The following TGFB2 variants were observed in gnomAD, a reference collection of about 807,000 sequenced individuals.
TGFB2 encodes transforming growth factor beta-2 proprotein.
TGFB2 carries 13 observed loss-of-function variants against 42.7 expected under a neutral mutation model. The ratio of observed to expected loss-of-function variants is 0.30; its 90% CI spans 0.20 to 0.48. The LOEUF is 0.48. Ranked by LOEUF, TGFB2 falls within the 20% of genes least tolerant of loss-of-function variation. TGFB2 has a pLI of 0.99. For missense variants in TGFB2, 390 were observed against 517.5 expected (o/e 0.75, Z 2.39); for synonymous variants, 193 against 193.6 (o/e 1.00, Z 0.03).
intron 6 of TGFB2, among the ~76,000 whole-genome samples, chr1:218,439,014 C>T (rs181727909): frequency 6.7e-6 from 1 of 149,754 alleles, no homozygotes; most frequent in Admixed American, 6.8e-5. Flanking sequence ...GAGGTTGAGG[C>T]AGAGAATCGC....
chr1:218,373,865 A>G (rs562156003), intron 1 of TGFB2, among the ~76,000 whole-genome samples: 1 of 152,328 alleles, frequency 6.6e-6, no homozygotes, highest in Admixed American at 6.5e-5. Context: ...TTTCTCTTAA[A>G]TGCAGTATTT....
At chr1:218,440,770 C>T (rs1298442024) in intron 6 of TGFB2, among the ~76,000 whole-genome samples, 1 of 152,142 alleles carries the variant, frequency 6.6e-6, no homozygotes, top group African/African-American at 2.4e-5. Flanking sequence ...AGCTCTTAAT[C>T]TAGATGGGAT....
intron 2 of TGFB2, among the ~76,000 whole-genome samples, chr1:218,420,255 C>T (rs1417304811): frequency 6.6e-6 from 1 of 152,172 alleles, no homozygotes; most frequent in East Asian, 1.9e-4. Context: ...TGTAGGAATT[C>T]AGCTAAGAAA....
rs1007087694 is a variant in TGFB2 at position 218,443,369 on chromosome 1, C to T, written c.*2007C>T. On this transcript the variant is annotated 3_prime_UTR_variant, in exon 7 of 7. Transcript: ENST00000366930. ...TCACCTAAAGAGCAGCATAAGGAGG[C>T]GGGAATCCAAAGTGAAGTTGTTTGA... is the stretch of plus-strand genomic sequence containing the variant. 5.3e-5 allele frequency: 8 copies of T among 152,242 alleles called. No individual in the cohort carries two copies. Among genetic ancestry groups the T allele is most frequent in the South Asian group, 2.1e-4 (1 of 4,832 alleles). The allele number at this position is 152,242 out of a possible 1,614,324, so 9.4% of individuals were successfully genotyped here. A position where few individuals can be genotyped will look rare whatever the true frequency, so the allele number is the denominator to read the frequency against.
chr1:218,373,885 G>C (rs1447562638), intron 1 of TGFB2, among the ~76,000 whole-genome samples: 1 of 152,026 alleles, frequency 6.6e-6, no homozygotes, highest in Non-Finnish European at 1.5e-5. Context: ...TTTTTCCTAA[G>C]AACCTGTGAA....
chr1:218,371,285 A>G (rs1335182697), intron 1 of TGFB2, among the ~76,000 whole-genome samples: 1 of 152,202 alleles, frequency 6.6e-6, no homozygotes, highest in East Asian at 1.9e-4. Flanking sequence ...TGGGCGATAG[A>G]GGGGAGACCC....
intron 1 of TGFB2, among the ~76,000 whole-genome samples, chr1:218,358,478 A>G (rs1287243956): frequency 7.1e-6 from 1 of 140,248 alleles, no homozygotes; most frequent in Non-Finnish European, 1.6e-5. Flanking sequence ...ATTTTCACTT[A>G]TTTTCACTTT....
intron 2 of TGFB2, among the ~76,000 whole-genome samples, chr1:218,409,650 T>C (rs1403766969): frequency 6.8e-6 from 1 of 147,972 alleles, no homozygotes. Flanking sequence ...CCAAAATTGC[T>C]GAAATATTAT....
At chr1:218,406,903 C>A (rs1571876791) in intron 2 of TGFB2, among the ~76,000 whole-genome samples, 2 of 152,146 alleles carry the variant, frequency 1.3e-5, no homozygotes, top group Non-Finnish European at 2.9e-5. Context: ...ATGATTAAAA[C>A]ATGGGATTAC....
intron 1 of TGFB2, among the ~76,000 whole-genome samples, chr1:218,359,584 A>G (rs1163115543): frequency 6.6e-6 from 1 of 152,232 alleles, no homozygotes; most frequent in African/African-American, 2.4e-5. Context: ...TGTCACAAGT[A>G]CTCAGATTAT....
intron 2 of TGFB2, among the ~76,000 whole-genome samples, chr1:218,426,282 G>C (rs1439186082): frequency 1.3e-5 from 2 of 152,176 alleles, no homozygotes; most frequent in Non-Finnish European, 2.9e-5. Context: ...GTTGCCCTTA[G>C]TGTCTAACCC....
At chr1:218,422,476 G>A (rs1174597656) in intron 2 of TGFB2, among the ~76,000 whole-genome samples, 3 of 152,044 alleles carry the variant, frequency 2.0e-5, no homozygotes, top group Non-Finnish European at 2.9e-5. Flanking sequence ...CCATCTCAGC[G>A]TCCCATAGTG....
chr1:218,420,313 G>A (rs563919948), intron 2 of TGFB2, among the ~76,000 whole-genome samples: 1 of 152,128 alleles, frequency 6.6e-6, no homozygotes, highest in African/African-American at 2.4e-5. Flanking sequence ...CTACCATTAC[G>A]TATTGTACTG....
chr1:218,421,610 A>T (rs557437175), intron 2 of TGFB2, among the ~76,000 whole-genome samples: 1 of 152,280 alleles, frequency 6.6e-6, no homozygotes, highest in Non-Finnish European at 1.5e-5. Context: ...TAATTTATGA[A>T]TCACTACTGT....
intron 2 of TGFB2, among the ~76,000 whole-genome samples, chr1:218,428,972 CTTTTTT>C (rs34950123): frequency 1.0e-5 from 1 of 95,880 alleles, no homozygotes; most frequent in Non-Finnish European, 2.0e-5. Flanking sequence ...CCATGAGCAT[CTTTTTT>C]TTTTTTTTTT....
At chr1:218,392,396 A>C (rs1160541420) in intron 1 of TGFB2, among the ~76,000 whole-genome samples, 1 of 152,194 alleles carries the variant, frequency 6.6e-6, no homozygotes, top group Non-Finnish European at 1.5e-5. Flanking sequence ...GGCTTGATCT[A>C]AGTAGGATCG....
At chr1:218,382,494 C>T (rs993131695) in intron 1 of TGFB2, among the ~76,000 whole-genome samples, 2 of 152,280 alleles carry the variant, frequency 1.3e-5, no homozygotes, top group African/African-American at 4.8e-5. Context: ...TTCATCCAGG[C>T]GCTCGCTGAT....
chr1:218,390,299 A>C (rs1260158021), intron 1 of TGFB2, among the ~76,000 whole-genome samples: 2 of 152,146 alleles, frequency 1.3e-5, no homozygotes, highest in African/African-American at 4.8e-5. Context: ...TCCTAAAGAA[A>C]ACAGAGAGAG....
intron 2 of TGFB2, among the ~76,000 whole-genome samples, chr1:218,407,759 C>G (rs865852162): frequency 8.5e-5 from 13 of 152,240 alleles, no homozygotes; most frequent in Admixed American, 5.9e-4. Context: ...AAATCCACCT[C>G]GGACTCCCAA....
Sources: gnomAD v4.1 joint callset for allele counts (sites outside exome capture counted in the v4.1 genomes callset) on GRCh38, gnomAD v4.1.1 for gene constraint, MANE v1.5 for transcripts, NCBI Gene and HGNC (gene_info 2026-07-23, HGNC 2026-07-21) for gene names.